Variants in GLT1D1 observed in about 807,000 individuals in gnomAD.
GLT1D1 encodes the protein glycosyltransferase 1 domain-containing protein 1.
A neutral mutation model predicts 28.7 loss-of-function variants in GLT1D1; 21 were observed. That is an observed-to-expected ratio of 0.73 (90% confidence interval 0.52 to 1.05). GLT1D1 has a LOEUF of 1.05. Ranked by LOEUF, GLT1D1 falls within the 50% of genes least tolerant of loss-of-function variation. The pLI, the probability that GLT1D1 is intolerant of heterozygous loss-of-function variation, is 0.00. For synonymous variants in GLT1D1, 147 were observed against 124.8 expected (o/e 1.18, Z -1.19); for missense variants, 343 against 330.6 (o/e 1.04, Z -0.29).
chr12:128,958,614 A>C (rs1447061144), intron 7 of GLT1D1, among the ~76,000 whole-genome samples: 4 of 135,826 alleles, frequency 2.9e-5, no homozygotes, highest in African/African-American at 1.1e-4. Flanking sequence ...AAAGCTGGGA[A>C]TGGTGCATGC....
intron 3 of GLT1D1, among the ~76,000 whole-genome samples, chr12:128,895,661 T>G (rs1448306399): frequency 6.6e-6 from 1 of 152,002 alleles, no homozygotes; most frequent in Non-Finnish European, 1.5e-5. Context: ...TTCTCAATGT[T>G]GGTCAGGCTG....
chr12:128,854,441 AAGC>A (rs1436466511), intron 1 of GLT1D1, among the ~76,000 whole-genome samples: 2 of 138,490 alleles, frequency 1.4e-5, no homozygotes. Context: ...GTGTGTGTAA[AAGC>A]GGACTTGCTT....
At chr12:128,864,089 C>T (rs1000702722) in intron 1 of GLT1D1, 3 of 640,338 alleles carry the variant, frequency 4.7e-6, no homozygotes, top group Non-Finnish European at 8.5e-6. Flanking sequence ...GTGGGCAGGT[C>T]CCTGCACGTG....
intron 4 of GLT1D1, among the ~76,000 whole-genome samples, chr12:128,920,403 A>C (rs1048596498): frequency 6.6e-6 from 1 of 152,024 alleles, no homozygotes; most frequent in African/African-American, 2.4e-5. Flanking sequence ...AAAATACAAA[A>C]ATTAGCCAGG....
chr12:128,901,678 A>C (rs1014683243), intron 4 of GLT1D1, among the ~76,000 whole-genome samples: 5 of 140,112 alleles, frequency 3.6e-5, no homozygotes, highest in Non-Finnish European at 6.2e-5. Context: ...CTTGTGATCC[A>C]CCCACCTTGG....
At chr12:128,899,863 C>T (rs556699742) in intron 4 of GLT1D1, among the ~76,000 whole-genome samples, 3 of 152,216 alleles carry the variant, frequency 2.0e-5, no homozygotes, top group Admixed American at 6.5e-5. Flanking sequence ...TGTTTTCTTT[C>T]TATGTTCTCA....
At chr12:128,901,171 C>T (rs1870213755) in intron 4 of GLT1D1, among the ~76,000 whole-genome samples, 1 of 152,200 alleles carries the variant, frequency 6.6e-6, no homozygotes, top group East Asian at 1.9e-4. Context: ...CCCATCTGTG[C>T]TAATATTCGC....
chr12:128,911,822 G>T (rs1490712202), intron 4 of GLT1D1, among the ~76,000 whole-genome samples: 1 of 152,034 alleles, frequency 6.6e-6, no homozygotes, highest in Non-Finnish European at 1.5e-5. Flanking sequence ...TATCCGTCAT[G>T]CAAGGGCCGC....
At chr12:128,888,769 A>T in intron 3 of GLT1D1, 25 bp downstream of exon 3, 1 of 1,374,268 alleles carries the variant, frequency 7.3e-7, no homozygotes. Flanking sequence ...AATTTCATCC[A>T]TGCCAAACAT....
intron 5 of GLT1D1, among the ~76,000 whole-genome samples, chr12:128,946,635 CTTTTTTTTTTTTTT>C (rs61498838): frequency 1.7e-4 from 11 of 64,226 alleles, no homozygotes; most frequent in African/African-American, 5.9e-4. Flanking sequence ...GCCCGGCCTC[CTTTTTTTTTTTTTT>C]TTTTTTTTTT....
intron 4 of GLT1D1, 179 bp from the exon 9 acceptor site, chr12:128,945,147 C>G: frequency 1.4e-6 from 1 of 740,338 alleles, no homozygotes. Context: ...ACACAGTGCC[C>G]TTGCCCGAGC....
rs557954526 is a variant in GLT1D1, at chr12:128,927,652, C to A, written c.376-17674C>A. On this transcript the variant is annotated intron_variant, in intron 4 of 7. Transcript: ENST00000281703. The stretch of plus-strand genomic sequence containing the variant: ...AAAGATCATTACAACGGCAATGAAT[C>A]TTGACGACTAATTTATTGCTACAAA... Among the ~76,000 whole-genome samples the A allele has an allele frequency of 8.0e-4, 122 of 152,198 alleles. 1 individual carries two copies. The South Asian group carries it at 9.3e-3, about 12-fold the overall frequency.
At chr12:128,895,608 C>T (rs972688605) in intron 3 of GLT1D1, among the ~76,000 whole-genome samples, 4 of 152,036 alleles carry the variant, frequency 2.6e-5, no homozygotes, top group Non-Finnish European at 4.4e-5. Context: ...AGGCATGCAC[C>T]ACCACGCCGG....
At chr12:128,949,877 C>T (rs1876513494) in intron 6 of GLT1D1, among the ~76,000 whole-genome samples, 1 of 152,160 alleles carries the variant, frequency 6.6e-6, no homozygotes, top group Non-Finnish European at 1.5e-5. Context: ...CACACACACG[C>T]TCTGCCTGAG....
At chr12:128,871,264 T>A (rs1956680934) in intron 1 of GLT1D1, among the ~76,000 whole-genome samples, 1 of 152,242 alleles carries the variant, frequency 6.6e-6, no homozygotes, top group South Asian at 2.1e-4. Flanking sequence ...ATGTATTTTA[T>A]ATTTTTTTAG....
At chr12:128,957,971 G>T (rs1375909010) in intron 7 of GLT1D1, among the ~76,000 whole-genome samples, 1 of 152,264 alleles carries the variant, frequency 6.6e-6, no homozygotes, top group Non-Finnish European at 1.5e-5. Context: ...TGGAACATCT[G>T]CTGGCTTTCA....
At chr12:128,855,453 C>T (rs1313869425) in intron 1 of GLT1D1, among the ~76,000 whole-genome samples, 1 of 151,044 alleles carries the variant, frequency 6.6e-6, no homozygotes, top group African/African-American at 2.4e-5. Context: ...GTGGTCCTAG[C>T]TACTCAGGAG....
chr12:128,926,417 A>G, intron 4 of GLT1D1: 1 of 1,532,206 alleles, frequency 6.5e-7, no homozygotes, highest in Non-Finnish European at 8.7e-7. Context: ...GACTTCGACA[A>G]GTTAAGGATC....
intron 4 of GLT1D1, among the ~76,000 whole-genome samples, chr12:128,901,772 G>A (rs1354942189): frequency 1.3e-5 from 2 of 150,398 alleles, no homozygotes; most frequent in Non-Finnish European, 2.9e-5. Flanking sequence ...TTTTGAGACG[G>A]GCTCTCATTC....
Sources: allele counts gnomAD v4.1 joint callset (sites outside exome capture counted in the v4.1 genomes callset), GRCh38; gene constraint gnomAD v4.1.1; transcripts MANE v1.5; gene names NCBI Gene and HGNC (gene_info 2026-07-23, HGNC 2026-07-21).